PDHX: variants seen among roughly 807,000 people sequenced by gnomAD.
The protein encoded by PDHX is pyruvate dehydrogenase complex component X.
In PDHX, 33 loss-of-function variants were observed where a neutral mutation model predicts 55.3. The ratio of observed to expected loss-of-function variants is 0.60; its 90% CI spans 0.45 to 0.80. The LOEUF is 0.80. Among genes scored for constraint, PDHX ranks in the 30% least tolerant of loss-of-function variants. The probability of loss-of-function intolerance (pLI) is 0.00; values close to 1 mark genes in which losing one functional copy is unlikely to be tolerated. For synonymous variants in PDHX, 226 were observed against 219.4 expected, an observed-to-expected ratio of 1.03 and a Z score of -0.27; for missense variants, 622 against 619.9, an observed-to-expected ratio of 1.00 and a Z score of -0.04.
In PDHX at chr11:34,995,313, C is replaced by A. The variant is rs1289745249; in HGVS notation, c.*141C>A. 7 of 903,462 alleles carry A rather than the reference C, an allele frequency of 7.7e-6. No individual in the cohort carries two copies. Among genetic ancestry groups the A allele is most frequent in the Non-Finnish European group, 1.2e-5 (7 of 563,928 alleles). The allele number at this position is 903,462 out of a possible 1,614,324, so 56.0% of individuals were successfully genotyped here. On this transcript the variant is annotated 3_prime_UTR_variant, in exon 11 of 11. Coordinates refer to ENST00000227868, the MANE Select transcript of PDHX (RefSeq NM_003477.3). Reference sequence around the variant, plus strand: ...TTATTTAAGGTGAAAGCATTTGACCCAGGGTGTCTTCATCTTCAATTTGGG... The same window carrying A: ...TTATTTAAGGTGAAAGCATTTGACCAAGGGTGTCTTCATCTTCAATTTGGG...
chr11:34,922,058 T>G (rs1853894084), intron 1 of PDHX, among the ~76,000 whole-genome samples: 1 of 152,238 alleles, frequency 6.6e-6, no homozygotes, highest in Non-Finnish European at 1.5e-5. Context: ...AGAGAGGACC[T>G]TTCTTCTTGG....
chr11:34,974,661 C>T (rs927084578), intron 7 of PDHX, among the ~76,000 whole-genome samples: 4 of 152,180 alleles, frequency 2.6e-5, no homozygotes, highest in East Asian at 1.9e-4. Flanking sequence ...CATGATGGCT[C>T]ATCCCTGTAA....
intron 3 of PDHX, among the ~76,000 whole-genome samples, chr11:34,951,618 T>C (rs925215061): frequency 5.9e-5 from 9 of 152,220 alleles, no homozygotes; most frequent in Admixed American, 4.6e-4. Context: ...ATGAGTACGT[T>C]GCGGAAATTT....
intron 1 of PDHX, among the ~76,000 whole-genome samples, chr11:34,919,966 A>G (rs1234144884): frequency 2.0e-5 from 3 of 152,226 alleles, no homozygotes; most frequent in African/African-American, 4.8e-5. Context: ...TTGGGGACAT[A>G]AACAATAAAG....
chr11:34,985,006 G>A (rs1855609721), intron 9 of PDHX: 1 of 353,042 alleles, frequency 2.8e-6, no homozygotes, highest in African/African-American at 2.1e-5. Context: ...ATTTTCCAAA[G>A]TCCAGAATTC....
At chr11:34,928,704 G>T (rs1398071560) in intron 1 of PDHX, among the ~76,000 whole-genome samples, 1 of 152,108 alleles carries the variant, frequency 6.6e-6, no homozygotes, top group Non-Finnish European at 1.5e-5. Context: ...AAGAATTCTT[G>T]CAATTAAGTG....
chr11:34,994,830 T>C, intron 10 of PDHX, 84 bp from the exon 11 acceptor site: 1 of 1,496,678 alleles, frequency 6.7e-7, no homozygotes, highest in Non-Finnish European at 9.3e-7. Flanking sequence ...CACTGCCTAG[T>C]AAAATATATA....
At chr11:34,966,537 G>A in intron 5 of PDHX, 103 bp from the exon 6 acceptor site, 2 of 1,054,590 alleles carry the variant, frequency 1.9e-6, no homozygotes, top group Non-Finnish European at 3.0e-6. Flanking sequence ...CTTGACATCT[G>A]TATATTTCTG....
At chr11:34,917,234 A>T (rs926574661) in intron 1 of PDHX, among the ~76,000 whole-genome samples, 3 of 152,138 alleles carry the variant, frequency 2.0e-5, no homozygotes, top group Admixed American at 2.0e-4. Context: ...CTTATTCTCT[A>T]GGCCTCTCTC....
At chr11:34,948,115 G>A (rs1319930352) in intron 3 of PDHX, among the ~76,000 whole-genome samples, 3 of 152,168 alleles carry the variant, frequency 2.0e-5, no homozygotes, top group Non-Finnish European at 4.4e-5. Flanking sequence ...TTTTCTTCAT[G>A]TTAAAGTAGA....
In PDHX at chr11:34,956,195, A is replaced by G. The variant is rs1450549410; in HGVS notation, c.343-1189A>G. On this transcript the variant is annotated intron_variant, in intron 3 of 10. Coordinates refer to ENST00000227868, the MANE Select transcript of PDHX (RefSeq NM_003477.3). ...ATTAAACATTCCTATTCAGCTTTCT[A>G]TACTAATTTCATATATATATATATG... is the stretch of plus-strand genomic sequence containing the variant. Among the ~76,000 whole-genome samples, 5 of 120,592 alleles carry G rather than the reference A, an allele frequency of 4.1e-5. No homozygotes were observed. The East Asian group carries it at 1.1e-3, about 27-fold the overall frequency. The allele number at this position is 120,592 out of a possible 152,430, so 79.1% of individuals were successfully genotyped here.
chr11:34,929,911 A>G (rs1421815380), intron 1 of PDHX, among the ~76,000 whole-genome samples: 3 of 152,222 alleles, frequency 2.0e-5, no homozygotes, highest in Admixed American at 1.3e-4. Context: ...TGATAGTTAC[A>G]TTGGATTGGA....
intron 1 of PDHX, among the ~76,000 whole-genome samples, chr11:34,928,935 T>C (rs1485615652): frequency 3.3e-5 from 5 of 152,244 alleles, no homozygotes; most frequent in African/African-American, 9.6e-5. Flanking sequence ...CAAGGACTTA[T>C]TTTACTAAGT....
At chr11:34,958,713 C>T (rs1437183678) in intron 4 of PDHX, among the ~76,000 whole-genome samples, 3 of 152,186 alleles carry the variant, frequency 2.0e-5, no homozygotes, top group Admixed American at 6.5e-5. Context: ...AAGACAGTCT[C>T]ACTGATGCTT....
intron 7 of PDHX, among the ~76,000 whole-genome samples, chr11:34,972,275 T>G (rs774664595): frequency 2.0e-5 from 3 of 152,130 alleles, no homozygotes; most frequent in Non-Finnish European, 4.4e-5. Context: ...GCTCTTTTAT[T>G]TCTAGTTTCT....
chr11:34,934,744 A>G (rs12273153), intron 2 of PDHX, among the ~76,000 whole-genome samples: 19,659 of 151,294 alleles, frequency 0.13, 1,738 homozygotes, highest in African/African-American at 0.26. Flanking sequence ...ATGCCTGGTT[A>G]GTTTTTTGTA....
At chr11:34,969,315 A>G (rs894862823) in intron 6 of PDHX, among the ~76,000 whole-genome samples, 1 of 148,646 alleles carries the variant, frequency 6.7e-6, no homozygotes, top group African/African-American at 2.5e-5. Context: ...TTGTTGATTT[A>G]TTGGCTGTTT....
At chr11:34,950,738 G>T (rs1282633470) in intron 3 of PDHX, among the ~76,000 whole-genome samples, 1 of 150,070 alleles carries the variant, frequency 6.7e-6, no homozygotes, top group Non-Finnish European at 1.5e-5. Context: ...GTATTCCATG[G>T]TGTATATGTG....
In PDHX at chr11:34,995,220, G is replaced by C; in HGVS notation, c.*48G>C. Reference sequence around the variant, plus strand: ...GTTCAGCTTAGTTGATTCAGTAGTTGTTACCAAGAAACATATGTTATAGGA... The same window carrying C: ...GTTCAGCTTAGTTGATTCAGTAGTTCTTACCAAGAAACATATGTTATAGGA... On this transcript the variant is annotated 3_prime_UTR_variant, in exon 11 of 11. Coordinates refer to ENST00000227868, the MANE Select transcript of PDHX (RefSeq NM_003477.3). 1 of 1,596,490 alleles carries C rather than the reference G, an allele frequency of 6.3e-7. No homozygotes were observed. The highest frequency in any genetic ancestry group is 8.6e-7 in the Non-Finnish European group (1 of 1,165,422).
Sources: gnomAD v4.1 joint callset for allele counts (sites outside exome capture counted in the v4.1 genomes callset) on GRCh38, gnomAD v4.1.1 for gene constraint, MANE v1.5 for transcripts, NCBI Gene and HGNC (gene_info 2026-07-23, HGNC 2026-07-21) for gene names.